Variants in NOTCH1 observed in about 807,000 individuals in gnomAD.
The protein encoded by NOTCH1 is neurogenic locus notch homolog protein 1.
NOTCH1 carries 37 observed loss-of-function variants against 254.8 expected under a neutral mutation model. The ratio of observed to expected loss-of-function variants is 0.15; its 90% CI spans 0.11 to 0.19. The LOEUF is 0.19. NOTCH1 is among the 10% of genes least tolerant of loss of function. The pLI, the probability that NOTCH1 is intolerant of heterozygous loss-of-function variation, is 1.00. For missense variants in NOTCH1, 2,972 were observed against 3,708.6 expected, an observed-to-expected ratio of 0.80 and a Z score of 5.16; for synonymous variants, 1,731 against 1,618.1, an observed-to-expected ratio of 1.07 and a Z score of -1.68.
Position 136,502,079 on chromosome 9 carries a change from C to G in NOTCH1, c.5394G>C (p.Lys1798Asn). ...CCATGAGGGCACCGTCTGAAGCGTT[C>G]TTCAGGGGCCTGGGGGGTGAGGGGT... ...GEDSVGLKPL[K>N]NASDGALMDD... is the part of the protein sequence containing the mutation. The change falls in exon 29 of 34, where the codon AAG (lysine) becomes AAC (asparagine). Residue 1798 changes from lysine to asparagine, a missense_variant. Lys to Asn is a moderately conservative substitution (Grantham distance 94, BLOSUM62 0). Around this residue, in one of 8 missense-constraint regions of NOTCH1, gnomAD observed 421 missense variants for 604.4 expected, o/e 0.70. Transcript: ENST00000651671. The G allele has an allele frequency of 1.9e-6, 3 of 1,613,278 alleles. No homozygotes were observed. The highest frequency in any genetic ancestry group is 2.5e-6 in the Non-Finnish European group (3 of 1,179,974).
At chr9:136,526,229 T>C (rs554024551) in intron 2 of NOTCH1, among the ~76,000 whole-genome samples, 1 of 152,272 alleles carries the variant, frequency 6.6e-6, no homozygotes, top group Non-Finnish European at 1.5e-5. Flanking sequence ...ACCCGTGGAG[T>C]GCACAGGCTG....
chr9:136,534,721 T>G (rs1843615296), intron 2 of NOTCH1, among the ~76,000 whole-genome samples: 1 of 151,948 alleles, frequency 6.6e-6, no homozygotes, highest in Non-Finnish European at 1.5e-5. Context: ...CAGACTGTGA[T>G]TGCGAGGACC....
chr9:136,528,300 G>A (rs796136271), intron 2 of NOTCH1, among the ~76,000 whole-genome samples: 12 of 141,288 alleles, frequency 8.5e-5, no homozygotes, highest in African/African-American at 1.3e-4. Flanking sequence ...CTCTGCACCC[G>A]CCACAGGAAC....
rs762092431 is a variant in NOTCH1 at position 136,500,585 on chromosome 9, C to T, written c.5901G>A (p.Ala1967=). 51 of 1,611,712 alleles carry T rather than the reference C, an allele frequency of 3.2e-5. No homozygotes were observed. The highest frequency in any genetic ancestry group is 1.6e-4 in the Middle Eastern group (1 of 6,084). Residue 1967 remains alanine (A), a synonymous_variant, in exon 31 of 34, where the codon GCG becomes GCA. Coordinates refer to ENST00000651671, the MANE Select transcript of NOTCH1 (RefSeq NM_017617.5). ...QDNMGRTPLH[A]AVSADAQGVF... is the part of the protein sequence containing the mutation. ...CACCTTGTGCGTCGGCAGACACAGC[C>T]GCATGCAGCGGGGTGCGGCCCATGT...
chr9:136,526,085 T>C (rs1019546394), intron 2 of NOTCH1, among the ~76,000 whole-genome samples: 6 of 152,178 alleles, frequency 3.9e-5, no homozygotes, highest in African/African-American at 9.6e-5. Context: ...CTCCATCCCA[T>C]GTGGCCGGTC....
intron 2 of NOTCH1, chr9:136,543,209 C>T (rs1209968558): frequency 5.7e-6 from 1 of 176,144 alleles, no homozygotes; most frequent in Non-Finnish European, 1.2e-5. Flanking sequence ...AGTCAATTTC[C>T]TTTGAAGAGG....
At position 136,513,297 on chromosome 9, in the gene NOTCH1, C is replaced by A; in HGVS notation, c.2353+95G>T. The A allele has an allele frequency of 6.3e-7, 1 of 1,576,542 alleles. No individual in the cohort carries two copies. The highest frequency in any genetic ancestry group is 8.7e-7 in the Non-Finnish European group (1 of 1,152,320). On this transcript the variant is annotated intron_variant, in intron 14 of 33. Transcript: ENST00000651671. This position sits in a 1 kb window ranked among gnomAD's most constrained non-coding sequence, Gnocchi z 4.7. Reference sequence around the variant, plus strand: ...TTTGCCACGGGAGGGAGACACCATGCATGGTGCTGGCTGGACCTGGGTCCC... The same window carrying A: ...TTTGCCACGGGAGGGAGACACCATGAATGGTGCTGGCTGGACCTGGGTCCC...
chr9:136,541,539 G>A (rs1407615160), intron 2 of NOTCH1, among the ~76,000 whole-genome samples: 1 of 152,222 alleles, frequency 6.6e-6, no homozygotes, highest in Non-Finnish European at 1.5e-5. Flanking sequence ...TCGAGAAACA[G>A]TGTGGGTTTC....
Position 136,502,298 on chromosome 9 carries a change from G to A in NOTCH1, c.5358C>T (p.Pro1786=), listed in dbSNP as rs2133330909. 6 of 1,612,172 alleles carry A rather than the reference G, an allele frequency of 3.7e-6. No individual in the cohort carries two copies. The highest frequency in any genetic ancestry group is 5.1e-6 in the Non-Finnish European group (6 of 1,179,742). ...SEASKKKRRE[P]LGEDSVGLKP... is the part of the protein sequence containing the mutation. ...TGAGGCCCACGGAGTCCTCGCCGAG[G>A]GGCTCCCGCCGCTTCTTCTTGCTGG... The change falls in exon 28 of 34, where the codon CCC becomes CCT. Residue 1786 remains proline, a synonymous_variant. Coordinates refer to ENST00000651671, the MANE Select transcript of NOTCH1 (RefSeq NM_017617.5).
intron 2 of NOTCH1, among the ~76,000 whole-genome samples, chr9:136,542,074 CA>C: frequency 6.6e-6 from 1 of 152,338 alleles, no homozygotes; most frequent in South Asian, 2.1e-4. Flanking sequence ...CCCATGACAC[CA>C]GTGTTTTGCG....
intron 2 of NOTCH1, among the ~76,000 whole-genome samples, chr9:136,528,026 C>T (rs928894873): frequency 2.0e-5 from 3 of 152,126 alleles, no homozygotes; most frequent in African/African-American, 7.2e-5. Context: ...TCACCCAGGA[C>T]GAATTCTAAA....
intron 9 of NOTCH1, among the ~76,000 whole-genome samples, 175 bp downstream of exon 9, chr9:136,517,097 C>A (rs1423261757): frequency 6.6e-6 from 1 of 150,770 alleles, no homozygotes; most frequent in Non-Finnish European, 1.5e-5. Context: ...CGGCCCTCAC[C>A]CCTCAGGAGG....
chr9:136,517,714 C>G, intron 8 of NOTCH1, 38 bp downstream of exon 8: 1 of 1,611,520 alleles, frequency 6.2e-7, no homozygotes, highest in Non-Finnish European at 8.5e-7. Flanking sequence ...GCTGCCCAGC[C>G]TCGACTCGGT....
In NOTCH1 at chr9:136,545,047, C is replaced by T. The variant is rs1293549938; in HGVS notation, c.61+679G>A. Among the ~76,000 whole-genome samples, 1 of 152,078 alleles carries T rather than the reference C, an allele frequency of 6.6e-6. No homozygotes were observed. Among genetic ancestry groups the T allele is most frequent in the Non-Finnish European group, 1.5e-5 (1 of 67,982 alleles). On this transcript the variant is annotated intron_variant, in intron 1 of 33. Coordinates refer to ENST00000651671, the MANE Select transcript of NOTCH1 (RefSeq NM_017617.5). The surrounding 1 kb of genome is among the most constrained non-coding windows in gnomAD (Gnocchi z 6.8). ...TGTGCGGCGGGGAGAAATGTAAGAG[C>T]CCCCCACCCGCGTCCCGCTCTCCGC...
chr9:136,502,590 C>A (rs199663773), intron 27 of NOTCH1, 102 bp from the exon 28 acceptor site: 1 of 663,468 alleles, frequency 1.5e-6, no homozygotes, highest in African/African-American at 1.9e-5. Context: ...GTCCGGGCGC[C>A]TCCTCACCCA....
In NOTCH1 at chr9:136,504,594, G is replaced by A. The variant is rs1843047073; in HGVS notation, c.5018+79C>T. ...GAGAGTACTGCTTGCCATGGCGCCG[G>A]CCGTGAGGGGCAGGGAGGCCGTCGG... On this transcript the variant is annotated intron_variant, in intron 26 of 33. Transcript: ENST00000651671. 4 of 1,384,260 alleles carry A rather than the reference G, an allele frequency of 2.9e-6. No individual in the cohort carries two copies. The East Asian group carries it at 7.6e-5, about 26-fold the overall frequency. 85.7% of individuals were successfully genotyped at this position (1,384,260 alleles called of 1,614,324 possible).
In NOTCH1 at chr9:136,505,538, T is replaced by C. The variant is rs2133339583; in HGVS notation, c.4358A>G (p.Glu1453Gly). 1 of 1,612,112 alleles carries C rather than the reference T, an allele frequency of 6.2e-7. No individual in the cohort carries two copies. The highest frequency in any genetic ancestry group is 1.1e-5 in the South Asian group (1 of 91,054). Reference sequence around the variant, plus strand: ...CTTGTTGCCCGCGTCCTCCTGGCACTCGGGCAGCTCGCACGCCTCCTCGAT... The same window carrying C: ...CTTGTTGCCCGCGTCCTCCTGGCACCCGGGCAGCTCGCACGCCTCCTCGAT... ...PLIEEACELP[E>G]CQEDAGNKVC... The change falls in exon 25 of 34, where the codon GAG (glutamate) becomes GGG (glycine). Residue 1453 changes from glutamate (E) to glycine (G), a missense_variant. Glu to Gly is a moderately conservative substitution (Grantham distance 98). Coordinates refer to ENST00000651671, the MANE Select transcript of NOTCH1 (RefSeq NM_017617.5).
intron 2 of NOTCH1, among the ~76,000 whole-genome samples, chr9:136,538,098 G>A (rs572784427): frequency 9.5e-4 from 144 of 152,224 alleles, no homozygotes; most frequent in African/African-American, 3.1e-3. Flanking sequence ...AACAAAAAAA[G>A]GCAAATTTTG....
rs940107248 is a variant in NOTCH1 at position 136,513,052 on chromosome 9, C to T, written c.2436G>A (p.Gly812=). ...NQGTCIDDVA[G]YKCNCLLPYT... ...AGGGCAGCAGGCAGTTGCACTTGTA[C>T]CCGGCAACGTCGTCAATACACGTGC... The change falls in exon 15 of 34, where the codon GGG becomes GGA. Residue 812 remains glycine, a synonymous_variant. Coordinates refer to ENST00000651671, the MANE Select transcript of NOTCH1 (RefSeq NM_017617.5). The surrounding 1 kb of genome is among the most constrained non-coding windows in gnomAD (Gnocchi z 4.7). The T allele has an allele frequency of 6.7e-7, 1 of 1,483,812 alleles. No individual in the cohort carries two copies. The highest frequency in any genetic ancestry group is 1.1e-5 in the South Asian group (1 of 89,522). 91.9% of individuals were successfully genotyped at this position (1,483,812 alleles called of 1,614,324 possible). A position where few individuals can be genotyped will look rare whatever the true frequency, so the allele number is the denominator to read the frequency against.
Sources: allele counts gnomAD v4.1 joint callset (sites outside exome capture counted in the v4.1 genomes callset), GRCh38; gene constraint gnomAD v4.1.1; regional missense constraint gnomAD v4.1.1; non-coding constraint Gnocchi (gnomAD v3.1); transcripts MANE v1.5; gene names NCBI Gene and HGNC (gene_info 2026-07-23, HGNC 2026-07-21).